Variants in STX8 observed in about 807,000 individuals in gnomAD.
The protein encoded by STX8 is syntaxin-8.
A neutral mutation model predicts 37.5 loss-of-function variants in STX8; 23 were observed. The observed-to-expected ratio is 0.61, with a 90% confidence interval of 0.44 to 0.87. The LOEUF is 0.87. Ranked by LOEUF, STX8 falls within the 40% of genes least tolerant of loss-of-function variation. The probability of loss-of-function intolerance (pLI) is 0.00; values close to 1 mark genes in which losing one functional copy is unlikely to be tolerated. For synonymous variants in STX8, 115 were observed against 99.1 expected (o/e 1.16, Z -0.95); for missense variants, 313 against 284.7 (o/e 1.10, Z -0.71).
At chr17:9,387,713 C>T (rs1257699382) in intron 6 of STX8, among the ~76,000 whole-genome samples, 1 of 152,178 alleles carries the variant, frequency 6.6e-6, no homozygotes, top group Non-Finnish European at 1.5e-5. Context: ...TCTCACGCAA[C>T]CGAATACAAT....
chr17:9,493,001 G>T (rs1392642877), intron 5 of STX8, among the ~76,000 whole-genome samples: 2 of 152,090 alleles, frequency 1.3e-5, no homozygotes, highest in Non-Finnish European at 2.9e-5. Context: ...GGGAGGCTGA[G>T]GCAGGAGAAT....
intron 7 of STX8, among the ~76,000 whole-genome samples, chr17:9,375,835 G>A (rs1443857196): frequency 3.3e-5 from 5 of 152,058 alleles, no homozygotes; most frequent in African/African-American, 1.2e-4. Context: ...CCATTTCAAA[G>A]ATGGGAAAAT....
chr17:9,288,110 G>A lies in STX8; in HGVS notation c.644-37465C>T, dbSNP rs9807024. The stretch of plus-strand genomic sequence containing the variant: ...AGACATTTGACAAGGGGGGGGGGGG[G>A]GAGAAAAGCAAAACAAACAAACAAA... On this transcript the variant is annotated intron_variant, in intron 7 of 7. Coordinates refer to ENST00000306357, the MANE Select transcript of STX8 (RefSeq NM_004853.3). Among the ~76,000 whole-genome samples, 13 of 65,610 alleles carry A rather than the reference G, an allele frequency of 2.0e-4. 1 individual carries two copies. In the South Asian group the frequency reaches 2.3e-3, roughly 11 times the overall value. The allele number at this position is 65,610 out of a possible 152,430, so 43.0% of individuals were successfully genotyped here.
At position 9,420,449 on chromosome 17, in the gene STX8, CCTT is replaced by C. The variant is rs370029797; in HGVS notation, c.542-41799_542-41797del. Among the ~76,000 whole-genome samples the C allele has an allele frequency of 1.4e-3, 210 of 152,254 alleles. 1 individual carries two copies. Among genetic ancestry groups the C allele is most frequent in the Non-Finnish European group, 1.9e-3 (128 of 68,018 alleles). Reference sequence around the variant, plus strand: ...CAGTTCCATTCTAAATGTCCCCTCTCCTTCTCCAGGGAGGACCCTCGCCTATCT... The same window carrying C: ...CAGTTCCATTCTAAATGTCCCCTCTCCTCCAGGGAGGACCCTCGCCTATCT... On this transcript the variant is annotated intron_variant, in intron 6 of 7. Transcript: ENST00000306357.
chr17:9,306,428 G>A (rs1035190549), intron 7 of STX8, among the ~76,000 whole-genome samples: 12 of 138,874 alleles, frequency 8.6e-5, no homozygotes, highest in African/African-American at 3.7e-4. Flanking sequence ...TCATCGTATT[G>A]GTGATTGAAG....
At chr17:9,420,557 T>C (rs1226808835) in intron 6 of STX8, among the ~76,000 whole-genome samples, 2 of 152,170 alleles carry the variant, frequency 1.3e-5, no homozygotes, top group Non-Finnish European at 2.9e-5. Flanking sequence ...TCCATAGACA[T>C]GCTCCAACCC....
chr17:9,487,092 T>C (rs908308212), intron 6 of STX8, among the ~76,000 whole-genome samples: 3 of 152,206 alleles, frequency 2.0e-5, no homozygotes, highest in South Asian at 2.1e-4. Context: ...GTCACTGGCA[T>C]AGGAACAGGG....
intron 6 of STX8, among the ~76,000 whole-genome samples, chr17:9,466,820 A>C: frequency 6.6e-6 from 1 of 152,226 alleles, no homozygotes; most frequent in Non-Finnish European, 1.5e-5. Flanking sequence ...AGCATGAGGC[A>C]TTCTTATGAC....
At chr17:9,273,026 TAAC>T (rs1907526917) in intron 7 of STX8, among the ~76,000 whole-genome samples, 1 of 152,182 alleles carries the variant, frequency 6.6e-6, no homozygotes, top group African/African-American at 2.4e-5. Context: ...AAATCAAACT[TAAC>T]AACAACAAAG....
In STX8 at chr17:9,332,716, G is replaced by C. The variant is rs567991187; in HGVS notation, c.643+45836C>G. Among the ~76,000 whole-genome samples, 2 of 152,172 alleles carry C rather than the reference G, an allele frequency of 1.3e-5. 1 individual carries two copies. Among genetic ancestry groups the C allele is most frequent in the South Asian group, 4.1e-4 (2 of 4,820 alleles). ...TCTACATCCAGAGGGCCTTCTGGCT[G>C]TCTAGACTGTAACACAATTGGTAAT... is the stretch of plus-strand genomic sequence containing the variant. On this transcript the variant is annotated intron_variant, in intron 7 of 7. Coordinates refer to ENST00000306357, the MANE Select transcript of STX8 (RefSeq NM_004853.3).
chr17:9,347,831 GCTTT>G (rs1419941176), intron 7 of STX8, among the ~76,000 whole-genome samples: 21 of 152,250 alleles, frequency 1.4e-4, no homozygotes, highest in South Asian at 6.2e-4. Flanking sequence ...TCACTGATCA[GCTTT>G]CTGTCTCTAT....
intron 4 of STX8, among the ~76,000 whole-genome samples, chr17:9,535,286 T>C (rs1905984404): frequency 6.6e-6 from 1 of 152,068 alleles, no homozygotes; most frequent in South Asian, 2.1e-4. Context: ...AACAACTTTC[T>C]TTGGGAAAGA....
chr17:9,493,258 C>T (rs1048671234), intron 5 of STX8, among the ~76,000 whole-genome samples: 3 of 152,162 alleles, frequency 2.0e-5, no homozygotes, highest in Non-Finnish European at 2.9e-5. Context: ...GAGAGAGGCT[C>T]TGTCTCTAAA....
At chr17:9,564,924 T>C (rs1215051748) in intron 2 of STX8, among the ~76,000 whole-genome samples, 1 of 152,172 alleles carries the variant, frequency 6.6e-6, no homozygotes, top group African/African-American at 2.4e-5. Context: ...AGAACAAAGC[T>C]GGGCCGGGCG....
chr17:9,574,107 C>G (rs1275540043), intron 1 of STX8, among the ~76,000 whole-genome samples: 1 of 151,828 alleles, frequency 6.6e-6, no homozygotes, highest in African/African-American at 2.4e-5. Context: ...CCTGTCTCTA[C>G]TAAAATACAA....
intron 4 of STX8, among the ~76,000 whole-genome samples, chr17:9,541,379 G>T (rs1216115485): frequency 6.6e-6 from 1 of 152,170 alleles, no homozygotes; most frequent in Non-Finnish European, 1.5e-5. Flanking sequence ...GCAATCAGGG[G>T]GCAGGGCACG....
chr17:9,463,875 T>C (rs1417747081), intron 6 of STX8, among the ~76,000 whole-genome samples: 2 of 147,422 alleles, frequency 1.4e-5, no homozygotes, highest in African/African-American at 5.1e-5. Flanking sequence ...GCCATTGTAC[T>C]CCAGCCTGGG....
intron 7 of STX8, among the ~76,000 whole-genome samples, chr17:9,257,204 A>G (rs1332197216): frequency 6.6e-6 from 1 of 152,232 alleles, no homozygotes; most frequent in Non-Finnish European, 1.5e-5. Context: ...GTATTACTCA[A>G]CCACTTACAA....
intron 7 of STX8, among the ~76,000 whole-genome samples, chr17:9,285,382 C>G (rs1445612849): frequency 6.9e-6 from 1 of 145,858 alleles, no homozygotes; most frequent in Non-Finnish European, 1.5e-5. Flanking sequence ...CCAGAATCAG[C>G]AGAAACCAGT....
Sources: allele counts gnomAD v4.1 joint callset (sites outside exome capture counted in the v4.1 genomes callset), GRCh38; gene constraint gnomAD v4.1.1; transcripts MANE v1.5; gene names NCBI Gene and HGNC (gene_info 2026-07-23, HGNC 2026-07-21).